RXRA: variants seen among roughly 807,000 people sequenced by gnomAD.
The protein encoded by RXRA is retinoid X receptor alpha.
In RXRA, 5 loss-of-function variants were observed where a neutral mutation model predicts 44.5. The ratio of observed to expected loss-of-function variants is 0.11; its 90% confidence interval spans 0.06 to 0.24. The LOEUF (loss-of-function observed/expected upper bound fraction) is 0.24, where lower values mean the gene tolerates loss of function less well. Among genes scored for constraint, RXRA ranks in the 10% least tolerant of loss-of-function variants. The pLI is 1.00. For synonymous variants in RXRA, 291 were observed against 271.4 expected, an observed-to-expected ratio of 1.07 and a Z score of -0.71; for missense variants, 412 against 646.5, an observed-to-expected ratio of 0.64 and a Z score of 3.93.
rs1209449703 is a variant in RXRA, at chr9:134,440,206, G to A, written c.*3592G>A. On this transcript the variant is annotated 3_prime_UTR_variant, in exon 10 of 10. Transcript: ENST00000481739. ...TCTGCTTCTAGAGATTGAGGTGAAA[G>A]CTTCGTCCGAGAAACGCCAGGACAG... 6.6e-6 allele frequency: 1 copy of A among 152,160 alleles called. No individual in the cohort carries two copies. Among genetic ancestry groups the A allele is most frequent in the East Asian group, 1.9e-4 (1 of 5,196 alleles). The allele number at this position is 152,160 out of a possible 1,614,324, so 9.4% of individuals were successfully genotyped here.
chr9:134,426,046 G>C lies in RXRA; in HGVS notation c.911-3062G>C. 1 of 985,420 alleles carries C rather than the reference G, an allele frequency of 1.0e-6. No homozygotes were observed. 61.0% of individuals were successfully genotyped at this position (985,420 alleles called of 1,614,324 possible). A position where few individuals can be genotyped will look rare whatever the true frequency, so the allele number is the denominator to read the frequency against. ...GTCCTGCAACCCCAGCAGAGGCCCT[G>C]AGCGTTTGGGCAGGGCCACGAGGGA... On this transcript the variant is annotated intron_variant, in intron 6 of 9. Coordinates refer to ENST00000481739, the MANE Select transcript of RXRA (RefSeq NM_002957.6). The surrounding 1 kb of genome is among the most constrained non-coding windows in gnomAD (Gnocchi z 4.6).
intron 1 of RXRA, among the ~76,000 whole-genome samples, chr9:134,397,449 C>T (rs1335164846): frequency 6.6e-6 from 1 of 152,112 alleles, no homozygotes; most frequent in African/African-American, 2.4e-5. Context: ...GGCTTTTGCT[C>T]CCGGCCTCCA....
chr9:134,373,290 C>T (rs1010057718), intron 1 of RXRA, among the ~76,000 whole-genome samples: 1 of 152,180 alleles, frequency 6.6e-6, no homozygotes, highest in African/African-American at 2.4e-5. Context: ...AGGGCATGGC[C>T]ACCGAGACGC....
intron 1 of RXRA, among the ~76,000 whole-genome samples, chr9:134,355,575 G>C (rs1445928976): frequency 1.3e-5 from 2 of 152,214 alleles, no homozygotes; most frequent in African/African-American, 4.8e-5. Flanking sequence ...ACAGTGGAGG[G>C]GTGGGGCAGT....
At chr9:134,419,170 C>T (rs1171244712) in intron 5 of RXRA, among the ~76,000 whole-genome samples, 1 of 152,222 alleles carries the variant, frequency 6.6e-6, no homozygotes, top group African/African-American at 2.4e-5. Flanking sequence ...GCATGCCCTG[C>T]CCTGCTCCCG....
chr9:134,427,129 T>C (rs1831447023), intron 6 of RXRA: 1 of 983,710 alleles, frequency 1.0e-6, no homozygotes, highest in Non-Finnish European at 1.2e-6. Flanking sequence ...AGATTAGACT[T>C]CTCCCAAATG....
intron 1 of RXRA, among the ~76,000 whole-genome samples, chr9:134,392,979 G>A (rs1039009343): frequency 6.6e-6 from 1 of 151,610 alleles, no homozygotes; most frequent in African/African-American, 2.4e-5. Flanking sequence ...CTGCCTGCTC[G>A]TCCCTGTTAG....
intron 5 of RXRA, 30 bp from the exon 6 acceptor site, chr9:134,421,646 G>T: frequency 6.5e-7 from 1 of 1,548,266 alleles, no homozygotes. Context: ...TTCTGGGACT[G>T]AATGTCCTGC....
intron 1 of RXRA, among the ~76,000 whole-genome samples, chr9:134,331,650 G>A (rs1052792914): frequency 6.6e-6 from 1 of 152,256 alleles, no homozygotes; most frequent in Non-Finnish European, 1.5e-5. Context: ...GGTGCCTGCT[G>A]CGTGCCAGGG....
At chr9:134,351,746 C>T (rs1158653071) in intron 1 of RXRA, among the ~76,000 whole-genome samples, 5 of 152,350 alleles carry the variant, frequency 3.3e-5, no homozygotes, top group African/African-American at 7.2e-5. Flanking sequence ...ATAACCAATC[C>T]GCTGCTGCGA....
chr9:134,394,796 C>T (rs995172798), intron 1 of RXRA, among the ~76,000 whole-genome samples: 10 of 152,196 alleles, frequency 6.6e-5, no homozygotes, highest in Admixed American at 3.3e-4. Context: ...GACAAGGTCC[C>T]CACCATGGGG....
intron 1 of RXRA, among the ~76,000 whole-genome samples, chr9:134,361,303 C>A (rs1453530837): frequency 1.3e-5 from 2 of 152,206 alleles, no homozygotes; most frequent in South Asian, 2.1e-4. Context: ...GGAAGCACAG[C>A]CCTGCCTGCC....
At chr9:134,406,089 A>C (rs1178178116) in intron 2 of RXRA, 1 of 152,222 alleles carries the variant, frequency 6.6e-6, no homozygotes, top group Non-Finnish European at 1.5e-5. Flanking sequence ...ACTCAGTTAC[A>C]CTTAATCAGC....
intron 1 of RXRA, among the ~76,000 whole-genome samples, chr9:134,358,954 A>G (rs1440411918): frequency 6.6e-6 from 1 of 152,152 alleles, no homozygotes; most frequent in Non-Finnish European, 1.5e-5. Context: ...GGGGATTTTC[A>G]TTAAGCGTTG....
At chr9:134,363,617 A>T (rs1033588264) in intron 1 of RXRA, among the ~76,000 whole-genome samples, 1 of 152,188 alleles carries the variant, frequency 6.6e-6, no homozygotes, top group Non-Finnish European at 1.5e-5. Context: ...TGGCAACGGC[A>T]GCTTTGGGCA....
At chr9:134,400,549 C>T (rs957523019) in intron 1 of RXRA, among the ~76,000 whole-genome samples, 2 of 152,214 alleles carry the variant, frequency 1.3e-5, no homozygotes, top group African/African-American at 4.8e-5. Flanking sequence ...GCAGTGCCTC[C>T]AGCTCCCGGC....
intron 1 of RXRA, among the ~76,000 whole-genome samples, chr9:134,348,666 G>A (rs549181166): frequency 1.1e-4 from 17 of 152,360 alleles, no homozygotes; most frequent in Admixed American, 1.0e-3. Context: ...AGTGCTTCCC[G>A]GCCTACGTAC....
chr9:134,418,626 G>A (rs991687573), intron 5 of RXRA, among the ~76,000 whole-genome samples: 9 of 152,182 alleles, frequency 5.9e-5, no homozygotes, highest in African/African-American at 2.2e-4. Context: ...CTCAGCTGAG[G>A]TACCTCCGGC....
At chr9:134,387,858 C>T (rs892386043) in intron 1 of RXRA, among the ~76,000 whole-genome samples, 29 of 152,138 alleles carry the variant, frequency 1.9e-4, no homozygotes, top group Admixed American at 5.2e-4. Context: ...CTGGAGTGAT[C>T]GTGAAGGCCC....
Sources: allele counts gnomAD v4.1 joint callset (sites outside exome capture counted in the v4.1 genomes callset), GRCh38; gene constraint gnomAD v4.1.1; non-coding constraint Gnocchi (gnomAD v3.1); transcripts MANE v1.5; gene names NCBI Gene and HGNC (gene_info 2026-07-23, HGNC 2026-07-21).